The following RFFL variants were observed in gnomAD, a reference collection of about 807,000 sequenced individuals.
The protein encoded by RFFL is ring finger and FYVE like domain containing E3 ubiquitin protein ligase, also known as E3 ubiquitin-protein ligase rififylin.
Under a neutral mutation model 40.4 loss-of-function variants are expected in RFFL, and 16 were observed. The ratio of observed to expected loss-of-function variants is 0.40; its 90% CI spans 0.27 to 0.60. The LOEUF (loss-of-function observed/expected upper bound fraction) is 0.60. RFFL is among the 20% of genes least tolerant of loss of function. The pLI is 0.47. For missense variants in RFFL, 367 were observed against 451.7 expected (o/e 0.81, Z 1.70); for synonymous variants, 154 against 167.9 (o/e 0.92, Z 0.64).
intron 1 of RFFL, among the ~76,000 whole-genome samples, chr17:35,054,201 T>A (rs968701196): frequency 6.6e-6 from 1 of 152,204 alleles, no homozygotes; most frequent in Non-Finnish European, 1.5e-5. Flanking sequence ...TACCTTCCTC[T>A]CTAACCGTGT....
chr17:35,077,071 AAAAT>A (rs1412696790), intron 1 of RFFL: 2 of 166,170 alleles, frequency 1.2e-5, no homozygotes, highest in African/African-American at 4.9e-5. Flanking sequence ...AAAATATATT[AAAAT>A]AAATTATATA....
chr17:35,047,459 A>G (rs1464712525), intron 1 of RFFL, among the ~76,000 whole-genome samples: 2 of 152,262 alleles, frequency 1.3e-5, no homozygotes, highest in Admixed American at 6.5e-5. Context: ...TTTAACCCAG[A>G]GCCCAGCAAA....
At chr17:35,030,104 G>A (rs547565909) in intron 1 of RFFL, among the ~76,000 whole-genome samples, 1 of 150,358 alleles carries the variant, frequency 6.7e-6, no homozygotes, top group Non-Finnish European at 1.5e-5. Flanking sequence ...TTGGACATCT[G>A]GGTTGGTTCC....
chr17:35,084,751 C>T (rs2091420907), intron 1 of RFFL, among the ~76,000 whole-genome samples: 1 of 150,874 alleles, frequency 6.6e-6, no homozygotes, highest in Admixed American at 6.6e-5. Context: ...CAAAAATTAG[C>T]TGGGTGTGGT....
At chr17:35,036,404 C>A (rs2091122951) in intron 1 of RFFL, 1 of 152,188 alleles carries the variant, frequency 6.6e-6, no homozygotes, top group Non-Finnish European at 1.5e-5. Context: ...TTCCCAAACT[C>A]CCCTCACCCT....
At chr17:35,070,343 T>C (rs895492325) in intron 1 of RFFL, among the ~76,000 whole-genome samples, 8 of 152,138 alleles carry the variant, frequency 5.3e-5, no homozygotes, top group African/African-American at 1.9e-4. Flanking sequence ...CTAATTCTTT[T>C]ATTATTTGTA....
At chr17:35,027,745 G>C (rs956607070) in intron 1 of RFFL, among the ~76,000 whole-genome samples, 33 of 120,718 alleles carry the variant, frequency 2.7e-4, no homozygotes, top group Non-Finnish European at 5.6e-4. Context: ...AAAAAAAAAA[G>C]TGTTGGGCCA....
intron 1 of RFFL, chr17:35,076,926 C>T (rs1477298003): frequency 7.1e-6 from 2 of 279,782 alleles, no homozygotes; most frequent in East Asian, 2.0e-4. Context: ...AAATTGTATA[C>T]AGCAAATTCG....
At chr17:35,069,304 G>T (rs1433566552) in intron 1 of RFFL, 2 of 456,606 alleles carry the variant, frequency 4.4e-6, no homozygotes, top group Non-Finnish European at 8.8e-6. Context: ...CTTTGTTCAT[G>T]TCCCCAAGTC....
chr17:35,041,582 G>A (rs931846703), intron 1 of RFFL, among the ~76,000 whole-genome samples: 36 of 130,400 alleles, frequency 2.8e-4, no homozygotes, highest in Admixed American at 4.8e-4. Context: ...GTGAAGAACC[G>A]AAAGGTAGTG....
intron 2 of RFFL, among the ~76,000 whole-genome samples, chr17:35,023,591 G>A (rs573858501): frequency 1.3e-5 from 2 of 152,254 alleles, no homozygotes; most frequent in African/African-American, 4.8e-5. Context: ...CTTTTCTATT[G>A]GGAAATGAAG....
chr17:35,015,593 G>A (rs1256216072), intron 5 of RFFL, among the ~76,000 whole-genome samples: 1 of 152,150 alleles, frequency 6.6e-6, no homozygotes, highest in Admixed American at 6.5e-5. Context: ...TTGAGCTACT[G>A]GTAGAAGAGA....
In RFFL at chr17:35,011,500, A is replaced by C. The variant is rs910089251; in HGVS notation, c.*468T>G. ...GGCAATGTAGCAAGAGACTTTAGCA[A>C]AGATAGTTAAAGCACAGAAAGCCGG... On this transcript the variant is annotated 3_prime_UTR_variant, in exon 7 of 7. Transcript: ENST00000394597. The C allele has an allele frequency of 5.0e-5, 8 of 160,248 alleles. No homozygotes were observed. Among genetic ancestry groups the C allele is most frequent in the Admixed American group, 2.9e-4 (5 of 17,034 alleles). 9.9% of individuals were successfully genotyped at this position (160,248 alleles called of 1,614,324 possible).
intron 1 of RFFL, among the ~76,000 whole-genome samples, chr17:35,087,324 C>A (rs1045493006): frequency 4.6e-5 from 7 of 151,158 alleles, no homozygotes; most frequent in African/African-American, 1.7e-4. Flanking sequence ...GCACGCCAGT[C>A]TGAGTGACAG....
chr17:35,026,628 C>A, intron 1 of RFFL, 67 bp from the exon 2 acceptor site: 1 of 1,328,412 alleles, frequency 7.5e-7, no homozygotes, highest in Non-Finnish European at 1.0e-6. Flanking sequence ...TTTTGATGTC[C>A]GAGAGCACAG....
At chr17:35,050,002 A>G (rs970602852) in intron 1 of RFFL, among the ~76,000 whole-genome samples, 1 of 151,648 alleles carries the variant, frequency 6.6e-6, no homozygotes, top group Non-Finnish European at 1.5e-5. Context: ...GAATTGCTTG[A>G]GCCATGGAGG....
At chr17:35,086,717 G>A (rs1012338206) in intron 1 of RFFL, among the ~76,000 whole-genome samples, 4 of 152,218 alleles carry the variant, frequency 2.6e-5, no homozygotes, top group African/African-American at 9.6e-5. Flanking sequence ...GTATTAACAA[G>A]TTATGAGATT....
At chr17:35,070,040 C>T (rs976641500) in intron 1 of RFFL, among the ~76,000 whole-genome samples, 7 of 151,930 alleles carry the variant, frequency 4.6e-5, no homozygotes, top group Non-Finnish European at 7.4e-5. Context: ...TATACATACA[C>T]ACCGAGAGAG....
At chr17:35,039,724 C>G (rs2091150562) in intron 1 of RFFL, among the ~76,000 whole-genome samples, 1 of 151,724 alleles carries the variant, frequency 6.6e-6, no homozygotes. Flanking sequence ...GTTGCCCAGG[C>G]TGGAGTGCAA....
Sources: gnomAD v4.1 joint callset for allele counts (sites outside exome capture counted in the v4.1 genomes callset) on GRCh38, gnomAD v4.1.1 for gene constraint, MANE v1.5 for transcripts, NCBI Gene and HGNC (gene_info 2026-07-23, HGNC 2026-07-21) for gene names.